PPM1L: variants seen among roughly 807,000 people sequenced by gnomAD.
PPM1L encodes protein phosphatase, Mg2+/Mn2+ dependent 1L, also known as protein phosphatase 1L.
PPM1L carries 13 observed loss-of-function variants against 31.4 expected under a neutral mutation model. The observed-to-expected ratio is 0.41, with a 90% CI of 0.27 to 0.66. The LOEUF is 0.66. Among genes scored for constraint, PPM1L ranks in the 30% least tolerant of loss-of-function variants. The pLI is 0.29. For synonymous variants in PPM1L, 184 were observed against 175.4 expected, an observed-to-expected ratio of 1.05 and a Z score of -0.39; for missense variants, 326 against 453.7, an observed-to-expected ratio of 0.72 and a Z score of 2.56.
intron 1 of PPM1L, among the ~76,000 whole-genome samples, chr3:160,904,735 AGAAAGAG>A (rs1347616753): frequency 3.3e-5 from 5 of 150,650 alleles, no homozygotes; most frequent in Non-Finnish European, 4.5e-5. Context: ...AGGGAGAGAG[AGAAAGAG>A]AGAGGGAGGG....
intron 2 of PPM1L, among the ~76,000 whole-genome samples, chr3:161,047,328 C>T (rs1719116314): frequency 6.6e-6 from 1 of 152,114 alleles, no homozygotes; most frequent in Admixed American, 6.6e-5. Flanking sequence ...AGAGAACTCC[C>T]ATTCACAATT....
At chr3:161,038,049 T>C (rs973604519) in intron 2 of PPM1L, among the ~76,000 whole-genome samples, 1 of 151,214 alleles carries the variant, frequency 6.6e-6, no homozygotes, top group Non-Finnish European at 1.5e-5. Flanking sequence ...CCGGCTAAAA[T>C]GGTGAAACCC....
intron 1 of PPM1L, among the ~76,000 whole-genome samples, chr3:160,801,691 G>A (rs1236581790): frequency 6.6e-6 from 1 of 151,998 alleles, no homozygotes; most frequent in Non-Finnish European, 1.5e-5. Context: ...GCAGTTTTTT[G>A]TTTTGTTTTG....
At chr3:160,886,466 G>T (rs557926968) in intron 1 of PPM1L, among the ~76,000 whole-genome samples, 1 of 152,324 alleles carries the variant, frequency 6.6e-6, no homozygotes, top group East Asian at 1.9e-4. Flanking sequence ...TCAGATTGGT[G>T]CCCCTTGAGG....
intron 2 of PPM1L, among the ~76,000 whole-genome samples, chr3:160,969,271 G>A (rs555466082): frequency 1.3e-4 from 20 of 152,340 alleles, no homozygotes; most frequent in East Asian, 5.8e-4. Flanking sequence ...TTTTAAAAGC[G>A]TGGAGGAATG....
At chr3:160,967,330 TGC>T (rs1314011273) in intron 2 of PPM1L, among the ~76,000 whole-genome samples, 1 of 152,030 alleles carries the variant, frequency 6.6e-6, no homozygotes, top group Non-Finnish European at 1.5e-5. Flanking sequence ...TAATACACCC[TGC>T]TTTAACAAAA....
At chr3:160,965,081 C>T (rs981400739) in intron 2 of PPM1L, among the ~76,000 whole-genome samples, 2 of 151,808 alleles carry the variant, frequency 1.3e-5, no homozygotes, top group African/African-American at 4.8e-5. Flanking sequence ...GAAACCCCAT[C>T]TCTACTAAAA....
chr3:160,916,760 T>C (rs1714198180), intron 1 of PPM1L, among the ~76,000 whole-genome samples: 1 of 152,138 alleles, frequency 6.6e-6, no homozygotes, highest in African/African-American at 2.4e-5. Flanking sequence ...ATGCTTCTTA[T>C]TCCATTTCTA....
chr3:160,919,830 C>T (rs974068461), intron 1 of PPM1L, among the ~76,000 whole-genome samples: 5 of 152,156 alleles, frequency 3.3e-5, no homozygotes, highest in African/African-American at 1.2e-4. Context: ...GTGAATTGCT[C>T]TGTGAAACCT....
intron 2 of PPM1L, among the ~76,000 whole-genome samples, chr3:160,987,138 A>G (rs1716988757): frequency 6.6e-6 from 1 of 152,232 alleles, no homozygotes; most frequent in Admixed American, 6.5e-5. Context: ...ATGGAATATC[A>G]TGTACAAGTA....
chr3:161,038,585 TAAAAAAAAAAAAAAAAAA>T (rs35502476), intron 2 of PPM1L, among the ~76,000 whole-genome samples: 1 of 110,584 alleles, frequency 9.0e-6, no homozygotes, highest in Non-Finnish European at 1.9e-5. Context: ...GGATTTGTTT[TAAAAAAAAAAAAAAAAAA>T]AAAAAAAAAG....
chr3:160,892,265 C>A (rs1467169458), intron 1 of PPM1L, among the ~76,000 whole-genome samples: 1 of 152,114 alleles, frequency 6.6e-6, no homozygotes, highest in Non-Finnish European at 1.5e-5. Flanking sequence ...CCTCAGGGAG[C>A]TTTTATTCGT....
At chr3:160,807,326 T>G (rs755942308) in intron 1 of PPM1L, among the ~76,000 whole-genome samples, 9 of 152,234 alleles carry the variant, frequency 5.9e-5, no homozygotes, top group Non-Finnish European at 1.3e-4. Flanking sequence ...AAGTTATTAA[T>G]CATCAATGTC....
At chr3:161,043,920 C>A (rs1718982618) in intron 2 of PPM1L, among the ~76,000 whole-genome samples, 1 of 152,074 alleles carries the variant, frequency 6.6e-6, no homozygotes, top group Non-Finnish European at 1.5e-5. Context: ...TTGTTTCTGG[C>A]CTCCAAGGAA....
intron 1 of PPM1L, among the ~76,000 whole-genome samples, chr3:160,933,430 G>A (rs1435811420): frequency 6.6e-6 from 1 of 152,158 alleles, no homozygotes; most frequent in Non-Finnish European, 1.5e-5. Context: ...GGTATCTTCA[G>A]ACACCTGATG....
At chr3:160,908,016 A>G (rs561618901) in intron 1 of PPM1L, among the ~76,000 whole-genome samples, 137 of 152,356 alleles carry the variant, frequency 9.0e-4, no homozygotes, top group Middle Eastern at 3.4e-3. Context: ...GAGAAGAGAA[A>G]GGGAGAGAAT....
chr3:160,956,543 T>G (rs1473197118), intron 1 of PPM1L, among the ~76,000 whole-genome samples: 2 of 152,232 alleles, frequency 1.3e-5, no homozygotes, highest in Non-Finnish European at 2.9e-5. Flanking sequence ...AAAGGGTCCC[T>G]AGAAGAATCA....
intron 2 of PPM1L, among the ~76,000 whole-genome samples, chr3:160,991,565 T>A (rs1346323391): frequency 6.6e-6 from 1 of 152,314 alleles, no homozygotes; most frequent in East Asian, 1.9e-4. Flanking sequence ...AACTACTTGA[T>A]GAAATTTTTT....
chr3:160,974,628 A>G (rs574385240), intron 2 of PPM1L, among the ~76,000 whole-genome samples: 5 of 150,920 alleles, frequency 3.3e-5, no homozygotes, highest in African/African-American at 9.8e-5. Context: ...GCCAGTGATG[A>G]TGAGCATTTT....
Sources: allele counts gnomAD v4.1 joint callset (sites outside exome capture counted in the v4.1 genomes callset), GRCh38; gene constraint gnomAD v4.1.1; transcripts MANE v1.5; gene names NCBI Gene and HGNC (gene_info 2026-07-23, HGNC 2026-07-21).